The following PPIP5K2 variants were observed in gnomAD, a reference collection of about 807,000 sequenced individuals.
PPIP5K2 encodes diphosphoinositol pentakisphosphate kinase 2.
Under a neutral mutation model 154.6 loss-of-function variants are expected in PPIP5K2, and 105 were observed. The ratio of observed to expected loss-of-function variants is 0.68; its 90% CI spans 0.58 to 0.80. The LOEUF is 0.80. Among genes scored for constraint, PPIP5K2 ranks in the 30% least tolerant of loss-of-function variants. PPIP5K2 has a pLI of 0.00. For missense variants in PPIP5K2, 992 were observed against 1,504.6 expected (o/e 0.66, Z 5.64); for synonymous variants, 480 against 490.3 (o/e 0.98, Z 0.28).
At chr5:103,123,575 T>C (rs1312829008) in intron 1 of PPIP5K2, among the ~76,000 whole-genome samples, 2 of 152,232 alleles carry the variant, frequency 1.3e-5, no homozygotes, top group African/African-American at 2.4e-5. Flanking sequence ...GTTTAAGGGA[T>C]ATTTGTCTTT....
chr5:103,186,187 T>G, intron 26 of PPIP5K2, 133 bp from the exon 27 acceptor site: 2 of 1,031,584 alleles, frequency 1.9e-6, no homozygotes. Context: ...ACAAGAATAT[T>G]GTGAGCCTGT....
intron 23 of PPIP5K2, among the ~76,000 whole-genome samples, chr5:103,179,710 T>G (rs1430942688): frequency 6.6e-6 from 1 of 152,158 alleles, no homozygotes. Flanking sequence ...TTTATTATTA[T>G]TGTTTATTTA....
rs6862319 is a variant in PPIP5K2 at position 103,173,740 on chromosome 5, G to T, written c.2415-118G>T. 2,680 of 710,550 alleles carry T rather than the reference G, an allele frequency of 3.8e-3. 45 individuals are homozygous for T. In the African/African-American group the frequency reaches 0.044, roughly 12 times the overall value. The allele number at this position is 710,550 out of a possible 1,614,324, so 44.0% of individuals were successfully genotyped here. On this transcript the variant is annotated intron_variant, in intron 20 of 30. Coordinates refer to ENST00000358359, the MANE Select transcript of PPIP5K2 (RefSeq NM_001276277.3). Reference sequence around the variant, plus strand: ...CTCTATTGTGGTTGGAAGAATAATAGATTTTTGTGGTCTTTTACTTCTAGT... The same window carrying T: ...CTCTATTGTGGTTGGAAGAATAATATATTTTTGTGGTCTTTTACTTCTAGT...
chr5:103,191,296 G>A (rs188229719), intron 29 of PPIP5K2, among the ~76,000 whole-genome samples: 28 of 151,992 alleles, frequency 1.8e-4, no homozygotes, highest in Admixed American at 1.7e-3. Context: ...TATTCCTATT[G>A]TATATCATTT....
chr5:103,138,339 G>T (rs1791933106), intron 4 of PPIP5K2, 45 bp from the exon 5 acceptor site: 1 of 1,183,024 alleles, frequency 8.5e-7, no homozygotes, highest in Admixed American at 2.2e-5. Context: ...TATTCATTGT[G>T]AAATGGAGCA....
chr5:103,201,622 GA>G lies in PPIP5K2; in HGVS notation c.3725del (p.Lys1242ArgfsTer31). ...CGCATGAACACAAAAAAAACACTGG[GA>G]AAAAGAAATGAAATCTTAGCAGAAG... ...ETHEHKKNTG[K>X]KK is the part of the protein sequence containing the mutation. On this transcript the variant is annotated frameshift_variant, in exon 31 of 31. Coordinates refer to ENST00000358359, the MANE Select transcript of PPIP5K2 (RefSeq NM_001276277.3). LOFTEE classifies it high-confidence loss of function. The G allele has an allele frequency of 1.9e-6, 3 of 1,593,830 alleles. No individual in the cohort carries two copies. The highest frequency in any genetic ancestry group is 2.6e-6 in the Non-Finnish European group (3 of 1,167,346).
Position 103,153,840 on chromosome 5 carries a change from C to A in PPIP5K2, c.1131-8C>A. ...AGAATTAAGAACATATATATTTTTT[C>A]ATTTTAGGATGGAACTTAGATGTGT... On this transcript the variant is annotated splice_polypyrimidine_tract_variant and splice_region_variant and intron_variant, in intron 10 of 30. Transcript: ENST00000358359. 2 of 1,574,718 alleles carry A rather than the reference C, an allele frequency of 1.3e-6. No homozygotes were observed. The highest frequency in any genetic ancestry group is 1.2e-5 in the South Asian group (1 of 85,948).
At chr5:103,178,346 CT>C (rs1799024887) in intron 23 of PPIP5K2, among the ~76,000 whole-genome samples, 1 of 151,838 alleles carries the variant, frequency 6.6e-6, no homozygotes, top group Admixed American at 6.6e-5. Flanking sequence ...AGAGTTCATA[CT>C]TTTTCTGCCA....
At position 103,125,091 on chromosome 5, in the gene PPIP5K2, G is replaced by A. The variant is rs1198816381; in HGVS notation, c.-284-4215G>A. ...CAGAAGACAAAAATTCTGCTTCATC[G>A]GTTTTATCTCCTTTTTATTATAGGA... On this transcript the variant is annotated intron_variant, in intron 1 of 30. Transcript: ENST00000358359. 5.3e-5 allele frequency among the ~76,000 whole-genome samples: 8 copies of A among 152,018 alleles called. No homozygotes were observed. The South Asian group carries it at 1.2e-3, about 24-fold the overall frequency.
chr5:103,145,962 A>T (rs1329266579), intron 5 of PPIP5K2, among the ~76,000 whole-genome samples: 3 of 152,122 alleles, frequency 2.0e-5, no homozygotes, highest in Non-Finnish European at 4.4e-5. Flanking sequence ...TACACATTGT[A>T]TGCCTGTATC....
chr5:103,156,033 T>C, intron 14 of PPIP5K2, 39 bp downstream of exon 14: 1 of 1,333,100 alleles, frequency 7.5e-7, no homozygotes, highest in Non-Finnish European at 1.1e-6. Flanking sequence ...GTTTTATATG[T>C]AGTAACTTGT....
chr5:103,193,362 C>A (rs1580461922), intron 29 of PPIP5K2, among the ~76,000 whole-genome samples: 1 of 151,926 alleles, frequency 6.6e-6, no homozygotes, highest in South Asian at 2.1e-4. Context: ...CATATACATA[C>A]AATTATATTC....
chr5:103,159,145 G>T lies in PPIP5K2; in HGVS notation c.1738-1G>T. ...GTGTTTTCTTTATTTAATATGCTTA[G>T]GGGCTTTTAGCTTTGGAAGGAGAGC... is the stretch of plus-strand genomic sequence containing the variant. On this transcript the variant is annotated splice_acceptor_variant, in intron 16 of 30. Coordinates refer to ENST00000358359, the MANE Select transcript of PPIP5K2 (RefSeq NM_001276277.3). LOFTEE classifies it high-confidence loss of function. The T allele has an allele frequency of 1.3e-6, 2 of 1,554,548 alleles. No homozygotes were observed. The highest frequency in any genetic ancestry group is 1.9e-5 in the Admixed American group (1 of 51,448).
intron 4 of PPIP5K2, among the ~76,000 whole-genome samples, chr5:103,137,052 A>G (rs1250477521): frequency 6.6e-6 from 1 of 152,178 alleles, no homozygotes; most frequent in African/African-American, 2.4e-5. Context: ...TAGGACAAAG[A>G]CTTAACCGAG....
In PPIP5K2 at chr5:103,212,573, T is replaced by C. The variant is rs1803860945; in HGVS notation, c.*10939T>C. On this transcript the variant is annotated 3_prime_UTR_variant, in exon 31 of 31. Coordinates refer to ENST00000358359, the MANE Select transcript of PPIP5K2 (RefSeq NM_001276277.3). ...GGGAACTTAAAGAATTTCATAATATTGGAGTATAAACTGCTGGAAATAAGG... is the reference window on the plus strand; with the variant it reads ...GGGAACTTAAAGAATTTCATAATATCGGAGTATAAACTGCTGGAAATAAGG... 1 of 151,164 alleles carries C rather than the reference T, an allele frequency of 6.6e-6. No homozygotes were observed. The highest frequency in any genetic ancestry group is 6.6e-5 in the Admixed American group (1 of 15,238). The allele number at this position is 151,164 out of a possible 1,614,324, so 9.4% of individuals were successfully genotyped here.
chr5:103,183,133 TTCTGA>T (rs1554223523), intron 24 of PPIP5K2, 96 bp from the exon 25 acceptor site: 2 of 1,043,194 alleles, frequency 1.9e-6, no homozygotes, highest in Non-Finnish European at 2.5e-6. Flanking sequence ...TTTTTTTTCT[TTCTGA>T]TCATTTGGCT....
At chr5:103,183,738 C>T (rs542465160) in intron 25 of PPIP5K2, among the ~76,000 whole-genome samples, 89 of 152,090 alleles carry the variant, frequency 5.9e-4, no homozygotes, top group Admixed American at 1.7e-3. Flanking sequence ...TCTTTTAAAA[C>T]TTTCAGAAAC....
rs1554205504 is a variant in PPIP5K2, at chr5:103,139,133, G to C, written c.487+664G>C. On this transcript the variant is annotated intron_variant, in intron 5 of 30. Coordinates refer to ENST00000358359, the MANE Select transcript of PPIP5K2 (RefSeq NM_001276277.3). The stretch of plus-strand genomic sequence containing the variant: ...AAGCACTGTTTGCTCCTTTTTTTCT[G>C]GTTATCTAAAACATAGCATGGAAGC... Among the ~76,000 whole-genome samples the C allele has an allele frequency of 4.6e-5, 7 of 152,048 alleles. No individual in the cohort carries two copies. The South Asian group carries it at 1.5e-3, about 32-fold the overall frequency.
chr5:103,151,314 A>G lies in PPIP5K2; in HGVS notation c.968A>G (p.Asn323Ser). ...GGACAGTCCTATGTCTGTGATGTCAATGGCTTCAGTTTTGTGAAAAATTCC... is the reference window on the plus strand; with the variant it reads ...GGACAGTCCTATGTCTGTGATGTCAGTGGCTTCAGTTTTGTGAAAAATTCC... ...ANGQSYVCDVNGFSFVKNSMK... is the reference protein window; with the variant it reads ...ANGQSYVCDVSGFSFVKNSMK... Residue 323 changes from asparagine to serine, a missense_variant, in exon 9 of 31, where the codon AAT (asparagine) becomes AGT (serine). This residue lies in a region of PPIP5K2 where 163 missense variants were observed against 285.2 expected (regional missense o/e 0.57). Coordinates refer to ENST00000358359, the MANE Select transcript of PPIP5K2 (RefSeq NM_001276277.3). The G allele has an allele frequency of 1.9e-6, 3 of 1,611,178 alleles. No homozygotes were observed. The highest frequency in any genetic ancestry group is 2.5e-6 in the Non-Finnish European group (3 of 1,177,696).
Sources: allele counts gnomAD v4.1 joint callset (sites outside exome capture counted in the v4.1 genomes callset), GRCh38; gene constraint gnomAD v4.1.1; regional missense constraint gnomAD v4.1.1; transcripts MANE v1.5; gene names NCBI Gene and HGNC (gene_info 2026-07-23, HGNC 2026-07-21).